The following PDE4D variants were observed in gnomAD, a reference collection of about 807,000 sequenced individuals.
The protein encoded by PDE4D is 3',5'-cyclic-AMP phosphodiesterase 4D.
A neutral mutation model predicts 87.4 loss-of-function variants in PDE4D; 24 were observed. The observed-to-expected ratio is 0.27, with a 90% CI of 0.20 to 0.39. The LOEUF is 0.39. Ranked by LOEUF, PDE4D falls within the 10% of genes least tolerant of loss-of-function variation. PDE4D has a pLI of 1.00. For missense variants in PDE4D, 714 were observed against 1,041.0 expected (o/e 0.69, Z 4.32); for synonymous variants, 384 against 383.2 (o/e 1.00, Z -0.02).
chr5:59,727,735 CAGCAGT>C (rs1354428253), intron 1 of PDE4D, among the ~76,000 whole-genome samples: 1 of 151,990 alleles, frequency 6.6e-6, no homozygotes, highest in Non-Finnish European at 1.5e-5. Context: ...TTCTTTTACT[CAGCAGT>C]AACATGGAAC....
intron 1 of PDE4D, among the ~76,000 whole-genome samples, chr5:59,887,175 C>T (rs986600388): frequency 1.3e-5 from 2 of 151,902 alleles, no homozygotes; most frequent in Non-Finnish European, 2.9e-5. Context: ...CACGTTGAGA[C>T]GGAGCAAGAA....
At chr5:59,357,434 A>G (rs911439796) in intron 1 of PDE4D, among the ~76,000 whole-genome samples, 1 of 152,186 alleles carries the variant, frequency 6.6e-6, no homozygotes, top group Admixed American at 6.5e-5. Flanking sequence ...AACCTTCCAC[A>G]GGATGTAAAC....
At chr5:60,185,716 T>C in intron 1 of PDE4D, 1 of 633,018 alleles carries the variant, frequency 1.6e-6, no homozygotes, top group Non-Finnish European at 2.8e-6. Flanking sequence ...AAATGTTTAA[T>C]CAAGTTATGA....
At chr5:60,333,823 G>GT (rs1048046965) in intron 1 of PDE4D, among the ~76,000 whole-genome samples, 11 of 151,682 alleles carry the variant, frequency 7.3e-5, no homozygotes, top group African/African-American at 2.2e-4. Context: ...CAAACTTCAG[G>GT]TTTTTTTTCA....
chr5:59,238,817 C>T (rs1471483781), intron 1 of PDE4D, among the ~76,000 whole-genome samples: 10 of 152,194 alleles, frequency 6.6e-5, no homozygotes, highest in Admixed American at 4.6e-4. Flanking sequence ...CTCTCATATC[C>T]TAGTCTCATA....
intron 2 of PDE4D, among the ~76,000 whole-genome samples, chr5:60,102,477 C>T (rs17376761): frequency 0.14 from 20,968 of 151,984 alleles, 1,487 homozygotes; most frequent in Middle Eastern, 0.22. Context: ...GAAAGCAAGG[C>T]TGCATAATAA....
At chr5:59,290,928 TAAG>T (rs1767884043) in intron 1 of PDE4D, among the ~76,000 whole-genome samples, 1 of 151,846 alleles carries the variant, frequency 6.6e-6, no homozygotes, top group African/African-American at 2.4e-5. Flanking sequence ...AGACAAATAA[TAAG>T]AAATGCTGGT....
At chr5:60,295,775 T>G (rs1753324478) in intron 1 of PDE4D, among the ~76,000 whole-genome samples, 1 of 152,194 alleles carries the variant, frequency 6.6e-6, no homozygotes, top group South Asian at 2.1e-4. Context: ...GACTTGAGTT[T>G]TCTGAGCTGC....
At chr5:59,472,881 G>C (rs1192636678) in intron 1 of PDE4D, among the ~76,000 whole-genome samples, 1 of 151,932 alleles carries the variant, frequency 6.6e-6, no homozygotes, top group East Asian at 1.9e-4. Context: ...CAACATAGGA[G>C]GAAAGTAAGG....
At chr5:59,175,842 C>G (rs1289544781) in intron 5 of PDE4D, among the ~76,000 whole-genome samples, 2 of 139,844 alleles carry the variant, frequency 1.4e-5, no homozygotes, top group East Asian at 4.3e-4. Context: ...ATTGCCCAGG[C>G]TGGTCTTGAA....
intron 1 of PDE4D, among the ~76,000 whole-genome samples, chr5:59,576,409 A>T (rs1015129456): frequency 6.6e-6 from 1 of 152,160 alleles, no homozygotes; most frequent in Non-Finnish European, 1.5e-5. Flanking sequence ...TTTTTATAGC[A>T]TACGACCCTA....
intron 1 of PDE4D, among the ~76,000 whole-genome samples, chr5:59,316,540 C>T (rs1219326830): frequency 6.6e-6 from 1 of 152,094 alleles, no homozygotes; most frequent in Non-Finnish European, 1.5e-5. Flanking sequence ...AAATTTCCAT[C>T]TTGCTGTTGA....
At chr5:60,303,930 C>T (rs1333539711) in intron 1 of PDE4D, 2 of 152,148 alleles carry the variant, frequency 1.3e-5, no homozygotes, top group African/African-American at 2.4e-5. Context: ...GGGAGTCTGT[C>T]TCTTTGTAAG....
intron 1 of PDE4D, among the ~76,000 whole-genome samples, chr5:60,193,669 CAAAAAA>C (rs35340734): frequency 1.5e-4 from 7 of 46,888 alleles, no homozygotes; most frequent in East Asian, 5.3e-4. Context: ...GACTCCGTCT[CAAAAAA>C]AAAAAAAAAA....
At chr5:59,354,684 A>G (rs983829792) in intron 1 of PDE4D, among the ~76,000 whole-genome samples, 6 of 152,258 alleles carry the variant, frequency 3.9e-5, no homozygotes, top group South Asian at 2.1e-4. Context: ...CCAGTGGCCA[A>G]CTGCCTTCCT....
intron 2 of PDE4D, among the ~76,000 whole-genome samples, chr5:60,121,999 A>G (rs1408572834): frequency 6.6e-6 from 1 of 152,166 alleles, no homozygotes; most frequent in Non-Finnish European, 1.5e-5. Context: ...GGCCCATGCA[A>G]GCTCAAAATC....
At chr5:60,445,116 G>T (rs1745542603) in intron 1 of PDE4D, among the ~76,000 whole-genome samples, 1 of 152,084 alleles carries the variant, frequency 6.6e-6, no homozygotes, top group South Asian at 2.1e-4. Flanking sequence ...ACTTTGTTGT[G>T]AATGGATTAG....
chr5:59,324,348 C>T (rs1403204874), intron 1 of PDE4D, among the ~76,000 whole-genome samples: 6 of 152,176 alleles, frequency 3.9e-5, no homozygotes, highest in Non-Finnish European at 5.9e-5. Context: ...TCCACCTACC[C>T]TTGCAGCCAC....
At position 59,182,815 on chromosome 5, in the gene PDE4D, A is replaced by C. The variant is rs115821398; in HGVS notation, c.759-2171T>G. Among the ~76,000 whole-genome samples, 1,360 of 152,298 alleles carry C rather than the reference A, an allele frequency of 8.9e-3. 21 individuals are homozygous for C. Among genetic ancestry groups the C allele is most frequent in the African/African-American group, 0.031 (1,277 of 41,570 alleles). ...GCCAGAACTCACTTCTGGAATAAAAAATCTCAAGGGCAAAACAAAAACAAA... is the reference window on the plus strand; with the variant it reads ...GCCAGAACTCACTTCTGGAATAAAACATCTCAAGGGCAAAACAAAAACAAA... On this transcript the variant is annotated intron_variant, in intron 4 of 14. Coordinates refer to ENST00000340635, the MANE Select transcript of PDE4D (RefSeq NM_001104631.2).
Sources: allele counts gnomAD v4.1 joint callset (sites outside exome capture counted in the v4.1 genomes callset), GRCh38; gene constraint gnomAD v4.1.1; transcripts MANE v1.5; gene names NCBI Gene and HGNC (gene_info 2026-07-23, HGNC 2026-07-21).